ITSN1: variants seen among roughly 807,000 people sequenced by gnomAD.
ITSN1 encodes intersectin-1.
ITSN1 carries 58 observed loss-of-function variants against 239.8 expected under a neutral mutation model. The ratio of observed to expected loss-of-function variants is 0.24; its 90% confidence interval spans 0.20 to 0.30. ITSN1 has a LOEUF of 0.30. Among genes scored for constraint, ITSN1 ranks in the 10% least tolerant of loss-of-function variants. ITSN1 has a pLI of 1.00. For missense variants in ITSN1, 1,558 were observed against 2,103.3 expected, an observed-to-expected ratio of 0.74 and a Z score of 5.07; for synonymous variants, 780 against 770.8, an observed-to-expected ratio of 1.01 and a Z score of -0.20.
At chr21:33,720,779 T>A (rs2065437430) in intron 2 of ITSN1, among the ~76,000 whole-genome samples, 1 of 152,174 alleles carries the variant, frequency 6.6e-6, no homozygotes, top group Non-Finnish European at 1.5e-5. Context: ...CACACTCACC[T>A]TCTTCTTTCA....
chr21:33,890,399 GACAA>G lies in ITSN1; in HGVS notation c.*2104_*2107del, dbSNP rs1408633404. ...GTAGGTAGCGTATGGTATGCACAAT[GACAA>G]ACAATCGTTTTAGGTCCCAGGTCAC... is the stretch of plus-strand genomic sequence containing the variant. On this transcript the variant is annotated 3_prime_UTR_variant, in exon 40 of 40. Coordinates refer to ENST00000381318, the MANE Select transcript of ITSN1 (RefSeq NM_003024.3). 3.3e-5 allele frequency: 5 copies of G among 152,204 alleles called. No individual in the cohort carries two copies. Among genetic ancestry groups the G allele is most frequent in the Admixed American group, 6.5e-5 (1 of 15,274 alleles). 9.4% of individuals were successfully genotyped at this position (152,204 alleles called of 1,614,324 possible).
intron 22 of ITSN1, chr21:33,817,799 G>T: frequency 2.1e-6 from 1 of 474,420 alleles, no homozygotes; most frequent in Non-Finnish European, 3.4e-6. Flanking sequence ...ATCCAGATAG[G>T]GCCTATTTCC....
Position 33,867,215 on chromosome 21 carries a change from A to C in ITSN1, c.4075-18A>C, listed in dbSNP as rs1981761018. 8 of 1,522,508 alleles carry C rather than the reference A, an allele frequency of 5.3e-6. No homozygotes were observed. The highest frequency in any genetic ancestry group is 1.4e-5 in the African/African-American group (1 of 73,214). 94.3% of individuals were successfully genotyped at this position (1,522,508 alleles called of 1,614,324 possible). On this transcript the variant is annotated intron_variant, in intron 32 of 39. Coordinates refer to ENST00000381318, the MANE Select transcript of ITSN1 (RefSeq NM_003024.3). ...TTTTGCAAGTTTCTTAAGTACATTT[A>C]AAAACATCTCATTTCAGAGATTGGC... is the stretch of plus-strand genomic sequence containing the variant.
intron 1 of ITSN1, among the ~76,000 whole-genome samples, chr21:33,709,281 C>G (rs1332193252): frequency 6.6e-6 from 1 of 152,058 alleles, no homozygotes; most frequent in African/African-American, 2.4e-5. Context: ...TTATTTAGGT[C>G]TTCTTTAAGT....
intron 1 of ITSN1, among the ~76,000 whole-genome samples, chr21:33,672,521 G>C (rs1016670639): frequency 6.6e-6 from 1 of 152,200 alleles, no homozygotes; most frequent in African/African-American, 2.4e-5. Flanking sequence ...CTTGTACACT[G>C]TTGGTGGGAA....
chr21:33,882,263 G>T lies in ITSN1; in HGVS notation c.4362G>T (p.Val1454=). The part of the protein sequence containing the change: ...GLSEQLVFNS[V]TNCLGPRKFL... ...CTCAGCAACTTGTGTTCAATTCAGT[G>T]ACCAATTGCTTGGGGCCGCGCAAAT... Residue 1454 remains valine (V), a synonymous_variant, in exon 35 of 40, where the codon GTG becomes GTT. Transcript: ENST00000381318. This position sits in a 1 kb window ranked among gnomAD's most constrained non-coding sequence, Gnocchi z 4.5. 1 of 1,614,054 alleles carries T rather than the reference G, an allele frequency of 6.2e-7. No homozygotes were observed. The highest frequency in any genetic ancestry group is 1.1e-5 in the South Asian group (1 of 91,026).
intron 16 of ITSN1, among the ~76,000 whole-genome samples, chr21:33,786,572 A>T (rs1016563001): frequency 6.6e-6 from 1 of 152,236 alleles, no homozygotes. Flanking sequence ...TTACTGTAGC[A>T]GTTTTCCTTG....
intron 1 of ITSN1, among the ~76,000 whole-genome samples, chr21:33,648,965 T>G (rs2088245365): frequency 6.6e-6 from 1 of 152,194 alleles, no homozygotes; most frequent in Non-Finnish European, 1.5e-5. Flanking sequence ...TAAAGTAGTC[T>G]TGTTATCCTT....
chr21:33,660,154 A>C (rs2089442201), intron 1 of ITSN1, among the ~76,000 whole-genome samples: 1 of 152,048 alleles, frequency 6.6e-6, no homozygotes, highest in Non-Finnish European at 1.5e-5. Context: ...TTTGCTCTTA[A>C]TGGTTGCTGC....
At chr21:33,778,135 A>G (rs962281421) in intron 14 of ITSN1, among the ~76,000 whole-genome samples, 2 of 152,220 alleles carry the variant, frequency 1.3e-5, no homozygotes, top group Admixed American at 6.5e-5. Flanking sequence ...ACTCTTGGTC[A>G]TGGTATATTA....
chr21:33,871,407 G>C (rs182252289), intron 33 of ITSN1, among the ~76,000 whole-genome samples: 1 of 149,344 alleles, frequency 6.7e-6, no homozygotes, highest in African/African-American at 2.5e-5. Flanking sequence ...TCCAGCCTGG[G>C]TGACAGAGTG....
chr21:33,774,644 G>T (rs1015479285), intron 12 of ITSN1, 85 bp from the exon 13 acceptor site: 7 of 1,294,708 alleles, frequency 5.4e-6, no homozygotes, highest in Admixed American at 2.3e-5. Flanking sequence ...TAAAAGGAAA[G>T]ACTTCCTAGA....
At chr21:33,718,695 C>T (rs1226965648) in intron 1 of ITSN1, 102 bp from the exon 2 acceptor site, 3 of 763,440 alleles carry the variant, frequency 3.9e-6, no homozygotes, top group Non-Finnish European at 4.6e-6. Flanking sequence ...TGCTCTGGCT[C>T]TAGTATTAGT....
chr21:33,826,105 A>C (rs910047370), intron 25 of ITSN1, among the ~76,000 whole-genome samples: 3 of 152,352 alleles, frequency 2.0e-5, no homozygotes, highest in Non-Finnish European at 2.9e-5. Context: ...GGCTGGTTTA[A>C]AATTCCATGA....
intron 8 of ITSN1, among the ~76,000 whole-genome samples, chr21:33,761,631 CA>C (rs1029011465): frequency 6.6e-6 from 1 of 152,070 alleles, no homozygotes; most frequent in African/African-American, 2.4e-5. Flanking sequence ...GTAATGTGGA[CA>C]AAAGGTCAGG....
At position 33,750,151 on chromosome 21, in the gene ITSN1, G is replaced by A; in HGVS notation, c.355G>A (p.Gly119Ser). The A allele has an allele frequency of 6.2e-7, 1 of 1,613,900 alleles. No homozygotes were observed. Among genetic ancestry groups the A allele is most frequent in the Non-Finnish European group, 8.5e-7 (1 of 1,179,918 alleles). The change falls in exon 6 of 40, where the codon GGT (glycine) becomes AGT (serine). Residue 119 changes from glycine to serine, a missense_variant. Physicochemically the swap from Gly to Ser is moderately conservative, Grantham distance 56 (BLOSUM62 0). This residue lies in a region of ITSN1 where 982 missense variants were observed against 1,209.9 expected (regional missense o/e 0.81). Transcript: ENST00000381318. ...ISSAPAFGMGGIASMPPLTAV... is the reference protein window; with the variant it reads ...ISSAPAFGMGSIASMPPLTAV... ...CTGTTTTTTCTTCATAGGTATGGGA[G>A]GTATCGCCAGCATGCCACCGCTTAC...
At chr21:33,659,400 A>C (rs138993914) in intron 1 of ITSN1, among the ~76,000 whole-genome samples, 65 of 152,244 alleles carry the variant, frequency 4.3e-4, no homozygotes, top group Middle Eastern at 3.4e-3. Flanking sequence ...GAACCCCTAA[A>C]TTTGTAGTCA....
chr21:33,843,060 A>G (rs1602564023), intron 29 of ITSN1, among the ~76,000 whole-genome samples: 2 of 152,134 alleles, frequency 1.3e-5, no homozygotes, highest in Admixed American at 6.5e-5. Flanking sequence ...TCTGCGGATT[A>G]TTCAGTGAAG....
At chr21:33,720,043 T>C (rs1417640293) in intron 2 of ITSN1, among the ~76,000 whole-genome samples, 1 of 152,244 alleles carries the variant, frequency 6.6e-6, no homozygotes, top group Non-Finnish European at 1.5e-5. Flanking sequence ...TATTCTATTT[T>C]ATTTTTGTCC....
Sources: gnomAD v4.1 joint callset for allele counts (sites outside exome capture counted in the v4.1 genomes callset) on GRCh38, gnomAD v4.1.1 for gene constraint, gnomAD v4.1.1 regional missense constraint, Gnocchi (gnomAD v3.1) non-coding constraint, MANE v1.5 for transcripts, NCBI Gene and HGNC (gene_info 2026-07-23, HGNC 2026-07-21) for gene names.